DAPK1: variants seen among roughly 807,000 people sequenced by gnomAD.
DAPK1 encodes the protein death-associated protein kinase 1.
A neutral mutation model predicts 144.9 loss-of-function variants in DAPK1; 56 were observed. That is an observed-to-expected ratio of 0.39 (90% CI 0.31 to 0.48). The LOEUF (loss-of-function observed/expected upper bound fraction) is 0.48. Among genes scored for constraint, DAPK1 ranks in the 20% least tolerant of loss-of-function variants. The pLI, the probability that DAPK1 is intolerant of heterozygous loss-of-function variation, is 0.95. For missense variants in DAPK1, 1,454 were observed against 1,875.4 expected (o/e 0.78, Z 4.15); for synonymous variants, 690 against 749.0 (o/e 0.92, Z 1.29).
chr9:87,642,819 A>G (rs1341654643), intron 10 of DAPK1, among the ~76,000 whole-genome samples: 4 of 152,144 alleles, frequency 2.6e-5, no homozygotes, highest in African/African-American at 9.7e-5. Flanking sequence ...GAGAGCAACC[A>G]TTTCTCTTTC....
intron 2 of DAPK1, among the ~76,000 whole-genome samples, chr9:87,511,237 G>A (rs561845268): frequency 1.2e-4 from 19 of 152,144 alleles, no homozygotes; most frequent in South Asian, 6.2e-4. Flanking sequence ...GCCTCCTTCC[G>A]ACTGGACTCA....
intron 25 of DAPK1, among the ~76,000 whole-genome samples, chr9:87,705,712 A>G (rs980456135): frequency 2.9e-4 from 44 of 152,308 alleles, no homozygotes; most frequent in African/African-American, 1.0e-3. Context: ...GAAACATAAC[A>G]TTAATATAGT....
Position 87,571,436 on chromosome 9 carries a change from AACAC to A in DAPK1, c.63-33483_63-33480del, listed in dbSNP as rs374135959. Among the ~76,000 whole-genome samples, 95 of 13,026 alleles carry A rather than the reference AACAC, an allele frequency of 7.3e-3. 1 individual carries two copies. Among genetic ancestry groups the A allele is most frequent in the Middle Eastern group, 0.071 (1 of 14 alleles). 8.5% of individuals were successfully genotyped at this position (13,026 alleles called of 152,430 possible). A position where few individuals can be genotyped will look rare whatever the true frequency, so the allele number is the denominator to read the frequency against. On this transcript the variant is annotated intron_variant, in intron 2 of 25. Transcript: ENST00000408954. ...GCCTAGGCCCCATCCCCCACCCCCC[AACAC>A]ACACACACACACACACACACACACA...
At chr9:87,516,902 T>C (rs572753694) in intron 2 of DAPK1, among the ~76,000 whole-genome samples, 65 of 152,166 alleles carry the variant, frequency 4.3e-4, no homozygotes, top group Middle Eastern at 3.4e-3. Context: ...CGGATGTAGG[T>C]TATGGGATGG....
At chr9:87,499,976 G>A (rs1483076309) in intron 2 of DAPK1, among the ~76,000 whole-genome samples, 1 of 152,174 alleles carries the variant, frequency 6.6e-6, no homozygotes, top group African/African-American at 2.4e-5. Flanking sequence ...TGACTGTGGT[G>A]TATTTACATT....
chr9:87,674,156 A>G (rs1824276015), intron 19 of DAPK1, among the ~76,000 whole-genome samples: 1 of 152,102 alleles, frequency 6.6e-6, no homozygotes, highest in African/African-American at 2.4e-5. Flanking sequence ...GAGTTGGCTT[A>G]TTTTTATTTT....
rs1830254180 is a variant in DAPK1, at chr9:87,645,978, C to T, written c.1095C>T (p.Gly365=). The T allele has an allele frequency of 1.9e-6, 3 of 1,614,066 alleles. No homozygotes were observed. The highest frequency in any genetic ancestry group is 1.7e-5 in the Admixed American group (1 of 60,024). ...TCCCAGGCCTGCAGCACCTTCTGGG[C>T]TCATTATCCAACTATGATGTTAACC... The part of the protein sequence containing the change: ...DNVPGLQHLL[G]SLSNYDVNQP... The change falls in exon 12 of 26, where the codon GGC becomes GGT. Residue 365 remains glycine, a synonymous_variant. Transcript: ENST00000408954.
At chr9:87,501,229 A>G (rs1031521356) in intron 2 of DAPK1, among the ~76,000 whole-genome samples, 2 of 152,066 alleles carry the variant, frequency 1.3e-5, no homozygotes, top group African/African-American at 2.4e-5. Context: ...AAGATTTAAG[A>G]CTTTACTTGG....
At chr9:87,581,193 G>A (rs564546965) in intron 2 of DAPK1, among the ~76,000 whole-genome samples, 2 of 152,270 alleles carry the variant, frequency 1.3e-5, no homozygotes, top group East Asian at 3.9e-4. Flanking sequence ...GAAGACGCAT[G>A]GACACCTCTG....
chr9:87,601,326 G>A (rs951316002), intron 2 of DAPK1, among the ~76,000 whole-genome samples: 12 of 152,208 alleles, frequency 7.9e-5, no homozygotes, highest in African/African-American at 2.9e-4. Flanking sequence ...CCCCAGGTGG[G>A]CCTGGCTGCT....
chr9:87,607,723 C>T (rs1029117010), intron 3 of DAPK1, among the ~76,000 whole-genome samples: 4 of 152,052 alleles, frequency 2.6e-5, no homozygotes, highest in African/African-American at 9.7e-5. Flanking sequence ...AGAACAGTTC[C>T]CATACCCCTA....
intron 3 of DAPK1, among the ~76,000 whole-genome samples, chr9:87,621,522 T>A (rs1258508590): frequency 1.3e-5 from 2 of 152,202 alleles, no homozygotes; most frequent in Non-Finnish European, 2.9e-5. Context: ...GTCTTCATCG[T>A]CTTCCTTGTG....
At chr9:87,552,433 C>G (rs1288564109) in intron 2 of DAPK1, among the ~76,000 whole-genome samples, 4 of 152,072 alleles carry the variant, frequency 2.6e-5, no homozygotes, top group Non-Finnish European at 5.9e-5. Flanking sequence ...ATGGAAGAAC[C>G]TAATGTACAT....
intron 2 of DAPK1, among the ~76,000 whole-genome samples, chr9:87,590,369 C>CAAAAAAAA (rs200588801): frequency 2.3e-5 from 2 of 85,716 alleles, no homozygotes; most frequent in African/African-American, 7.9e-5. Flanking sequence ...TCATTGGCCT[C>CAAAAAAAA]AAAAAAAAAA....
In DAPK1 at chr9:87,527,862, G is replaced by A. The variant is rs375511676; in HGVS notation, c.62+28723G>A. On this transcript the variant is annotated intron_variant, in intron 2 of 25. Coordinates refer to ENST00000408954, the MANE Select transcript of DAPK1 (RefSeq NM_004938.4). ...TAAGCCAGGAGAAAAATCCTAGGAT[G>A]GGAAGCAATCTTATGGCTGAGACCT... is the stretch of plus-strand genomic sequence containing the variant. Among the ~76,000 whole-genome samples, 4 of 152,306 alleles carry A rather than the reference G, an allele frequency of 2.6e-5. 1 individual carries two copies. Among genetic ancestry groups the A allele is most frequent in the African/African-American group, 7.2e-5 (3 of 41,572 alleles).
intron 3 of DAPK1, among the ~76,000 whole-genome samples, chr9:87,610,871 A>T (rs1828896632): frequency 1.3e-5 from 2 of 152,256 alleles, no homozygotes; most frequent in Non-Finnish European, 2.9e-5. Context: ...CAGTCAGTTC[A>T]TAGTATTCAC....
intron 18 of DAPK1, among the ~76,000 whole-genome samples, chr9:87,665,580 A>G (rs1831021677): frequency 6.6e-6 from 1 of 152,244 alleles, no homozygotes. Context: ...TTTGCGAAGC[A>G]TATTACACGT....
At chr9:87,567,081 A>G (rs36233184) in intron 2 of DAPK1, among the ~76,000 whole-genome samples, 4,751 of 152,310 alleles carry the variant, frequency 0.031, 262 homozygotes, top group African/African-American at 0.11. Context: ...CATGAAATCT[A>G]GAGTTCCTTC....
chr9:87,595,173 T>C (rs1419365195), intron 2 of DAPK1, among the ~76,000 whole-genome samples: 1 of 152,112 alleles, frequency 6.6e-6, no homozygotes, highest in African/African-American at 2.4e-5. Context: ...ACCAAAAATA[T>C]GTAAGGAAGG....
Sources: gnomAD v4.1 joint callset for allele counts (sites outside exome capture counted in the v4.1 genomes callset) on GRCh38, gnomAD v4.1.1 for gene constraint, MANE v1.5 for transcripts, NCBI Gene and HGNC (gene_info 2026-07-23, HGNC 2026-07-21) for gene names.